The following AGBL4 variants were observed in gnomAD, a reference collection of about 807,000 sequenced individuals.
The protein encoded by AGBL4 is cytosolic carboxypeptidase 6.
AGBL4 carries 58 observed loss-of-function variants against 66.4 expected under a neutral mutation model. That is an observed-to-expected ratio of 0.87 (90% CI 0.71 to 1.09). AGBL4 has a LOEUF of 1.09. AGBL4 is among the 50% of genes least tolerant of loss of function. The pLI is 0.00. For missense variants in AGBL4, 579 were observed against 631.0 expected (o/e 0.92, Z 0.88); for synonymous variants, 234 against 222.9 (o/e 1.05, Z -0.44).
At chr1:49,903,836 T>C (rs79794233) in intron 1 of AGBL4, among the ~76,000 whole-genome samples, 8,109 of 152,124 alleles carry the variant, frequency 0.053, 242 homozygotes, top group African/African-American at 0.071. Context: ...ATGAACTGGA[T>C]TCTATATAGG....
intron 3 of AGBL4, among the ~76,000 whole-genome samples, chr1:49,415,128 G>A (rs1034261801): frequency 1.3e-5 from 2 of 152,088 alleles, no homozygotes; most frequent in South Asian, 2.1e-4. Context: ...CTACTTCTTC[G>A]CTAGCCCAAG....
chr1:49,404,665 A>T (rs1323650442), intron 3 of AGBL4, among the ~76,000 whole-genome samples: 1 of 152,152 alleles, frequency 6.6e-6, no homozygotes, highest in African/African-American at 2.4e-5. Flanking sequence ...TGTTTAATTA[A>T]CTGAGTGTTT....
intron 4 of AGBL4, among the ~76,000 whole-genome samples, chr1:49,230,937 A>G (rs973065731): frequency 6.6e-6 from 1 of 152,158 alleles, no homozygotes; most frequent in Non-Finnish European, 1.5e-5. Context: ...TCTGTTTATG[A>G]TCCAAATACC....
intron 6 of AGBL4, among the ~76,000 whole-genome samples, chr1:48,799,221 A>G (rs927372470): frequency 6.6e-6 from 1 of 151,928 alleles, no homozygotes; most frequent in African/African-American, 2.4e-5. Flanking sequence ...TTCCTTGCAG[A>G]GATATTCCTA....
intron 3 of AGBL4, among the ~76,000 whole-genome samples, chr1:49,492,484 G>C (rs767141933): frequency 2.0e-5 from 3 of 151,896 alleles, no homozygotes; most frequent in Non-Finnish European, 4.4e-5. Flanking sequence ...TGTTGATAAG[G>C]GGGGACTACT....
chr1:48,603,207 C>G (rs1029577179), intron 9 of AGBL4, among the ~76,000 whole-genome samples: 1 of 152,230 alleles, frequency 6.6e-6, no homozygotes, highest in African/African-American at 2.4e-5. Flanking sequence ...CGCAGTGGCT[C>G]ATGCCTGTAA....
At chr1:49,640,968 T>C (rs1478769987) in intron 3 of AGBL4, among the ~76,000 whole-genome samples, 1 of 152,096 alleles carries the variant, frequency 6.6e-6, no homozygotes, top group Admixed American at 6.6e-5. Context: ...TGGGACTCAA[T>C]AAATCGGTGC....
At position 49,006,048 on chromosome 1, in the gene AGBL4, C is replaced by T. The variant is rs9436320; in HGVS notation, c.594+39536G>A. Among the ~76,000 whole-genome samples the T allele has an allele frequency of 5.6e-3, 847 of 152,088 alleles. 3 individuals carry two copies. The highest frequency in any genetic ancestry group is 0.021 in the Middle Eastern group (6 of 292). Reference sequence around the variant, plus strand: ...CCAAGATGGCCGAATAGGAACAGCTCGGGTCTACAGCTCCCAGCGTGAGCG... The same window carrying T: ...CCAAGATGGCCGAATAGGAACAGCTTGGGTCTACAGCTCCCAGCGTGAGCG... On this transcript the variant is annotated intron_variant, in intron 5 of 13. Transcript: ENST00000371839.
intron 3 of AGBL4, among the ~76,000 whole-genome samples, chr1:49,556,508 A>T (rs1157989981): frequency 1.0e-5 from 1 of 95,794 alleles, no homozygotes; most frequent in Non-Finnish European, 2.1e-5. Context: ...AAAGTATAAT[A>T]AAAAAAATTA....
chr1:49,656,969 C>T (rs1364213657), intron 3 of AGBL4, among the ~76,000 whole-genome samples: 1 of 152,156 alleles, frequency 6.6e-6, no homozygotes, highest in Non-Finnish European at 1.5e-5. Context: ...CCCTCTTTCG[C>T]CACTCCTATT....
intron 3 of AGBL4, among the ~76,000 whole-genome samples, chr1:49,617,553 C>A (rs1645272972): frequency 6.6e-6 from 1 of 152,156 alleles, no homozygotes; most frequent in Non-Finnish European, 1.5e-5. Flanking sequence ...CTTACAACAA[C>A]AAAAATTGCC....
rs560232350 is a variant in AGBL4, at chr1:49,553,813, A to G, written c.282+143500T>C. Among the ~76,000 whole-genome samples, 13 of 152,270 alleles carry G rather than the reference A, an allele frequency of 8.5e-5. No individual in the cohort carries two copies. In the East Asian group the frequency reaches 2.5e-3, roughly 29 times the overall value. ...CCCTTTTAAACACTTCTACATTATT[A>G]TAATGTTTATAATTAAAATTTAAAT... is the stretch of plus-strand genomic sequence containing the variant. On this transcript the variant is annotated intron_variant, in intron 3 of 13. Coordinates refer to ENST00000371839, the MANE Select transcript of AGBL4 (RefSeq NM_032785.4).
intron 1 of AGBL4, among the ~76,000 whole-genome samples, chr1:49,882,852 A>T (rs541609856): frequency 1.3e-5 from 2 of 152,272 alleles, no homozygotes; most frequent in South Asian, 2.1e-4. Flanking sequence ...TTTAATAATG[A>T]TGCAAGAGCA....
Position 48,534,042 on chromosome 1 carries a change from T to G in AGBL4, c.*131A>C, listed in dbSNP as rs1455446651. Reference sequence around the variant, plus strand: ...AAATCAGTGATGAAGTTTCTCATTGTATCCCTTCCCTTTCACTAGCCTATG... The same window carrying G: ...AAATCAGTGATGAAGTTTCTCATTGGATCCCTTCCCTTTCACTAGCCTATG... On this transcript the variant is annotated 3_prime_UTR_variant, in exon 14 of 14. Transcript: ENST00000371839. 7.2e-7 allele frequency: 1 copy of G among 1,379,800 alleles called. No homozygotes were observed. Among genetic ancestry groups the G allele is most frequent in the African/African-American group, 1.4e-5 (1 of 69,396 alleles). The allele number at this position is 1,379,800 out of a possible 1,614,324, so 85.5% of individuals were successfully genotyped here. A position where few individuals can be genotyped will look rare whatever the true frequency, so the allele number is the denominator to read the frequency against.
intron 2 of AGBL4, among the ~76,000 whole-genome samples, chr1:49,725,605 C>A (rs1648961950): frequency 6.6e-6 from 1 of 151,106 alleles, no homozygotes; most frequent in African/African-American, 2.4e-5. Context: ...CACCAGCATG[C>A]TAAAGCCAAA....
chr1:49,770,417 A>G (rs1644021144), intron 2 of AGBL4, among the ~76,000 whole-genome samples: 1 of 152,098 alleles, frequency 6.6e-6, no homozygotes, highest in South Asian at 2.1e-4. Context: ...TGTTGAATTC[A>G]GTTTGCCGGT....
chr1:49,129,533 A>C (rs542864331), intron 4 of AGBL4, among the ~76,000 whole-genome samples: 3 of 149,992 alleles, frequency 2.0e-5, no homozygotes, highest in East Asian at 3.9e-4. Flanking sequence ...CTCATTGTTC[A>C]ATTCCCACCT....
chr1:49,487,755 T>A (rs1349560269), intron 3 of AGBL4, among the ~76,000 whole-genome samples: 1 of 151,822 alleles, frequency 6.6e-6, no homozygotes, highest in Non-Finnish European at 1.5e-5. Flanking sequence ...TCATCTTATT[T>A]TAAAAATGAA....
intron 1 of AGBL4, chr1:50,017,491 C>T (rs960762029): frequency 2.6e-5 from 4 of 151,992 alleles, no homozygotes; most frequent in African/African-American, 7.2e-5. Context: ...AAAATCCTAG[C>T]CTACTCCTCA....
Sources: allele counts gnomAD v4.1 joint callset (sites outside exome capture counted in the v4.1 genomes callset), GRCh38; gene constraint gnomAD v4.1.1; transcripts MANE v1.5; gene names NCBI Gene and HGNC (gene_info 2026-07-23, HGNC 2026-07-21).